EEPD1: variants seen among roughly 807,000 people sequenced by gnomAD.
The protein encoded by EEPD1 is endonuclease/exonuclease/phosphatase family domain-containing protein 1.
A neutral mutation model predicts 46.3 loss-of-function variants in EEPD1; 17 were observed. The ratio of observed to expected loss-of-function variants is 0.37; its 90% CI spans 0.25 to 0.55. The LOEUF is 0.55. Among genes scored for constraint, EEPD1 ranks in the 20% least tolerant of loss-of-function variants. EEPD1 has a pLI of 0.83. For missense variants in EEPD1, 673 were observed against 745.6 expected (o/e 0.90, Z 1.13); for synonymous variants, 313 against 315.6 (o/e 0.99, Z 0.09).
intron 7 of EEPD1, among the ~76,000 whole-genome samples, chr7:36,297,984 G>A (rs1186976954): frequency 3.3e-5 from 5 of 152,210 alleles, no homozygotes; most frequent in African/African-American, 4.8e-5. Flanking sequence ...CTTTTATTGC[G>A]AGAGAGACTA....
At chr7:36,205,228 G>C (rs868701002) in intron 2 of EEPD1, among the ~76,000 whole-genome samples, 17 of 152,206 alleles carry the variant, frequency 1.1e-4, no homozygotes, top group African/African-American at 4.1e-4. Context: ...AAGCCGGAAG[G>C]AGGTTCTGGA....
intron 3 of EEPD1, 30 bp from the exon 4 acceptor site, chr7:36,281,085 A>C (rs751664879): frequency 6.2e-6 from 10 of 1,606,170 alleles, no homozygotes; most frequent in Non-Finnish European, 8.5e-6. Context: ...GCGCGAACCC[A>C]CGCTTCTGAC....
intron 2 of EEPD1, among the ~76,000 whole-genome samples, chr7:36,232,174 GT>G (rs66528116): frequency 0.02 from 2,837 of 140,806 alleles, 71 homozygotes; most frequent in African/African-American, 0.06. Context: ...TATGTTGCTG[GT>G]TTTTTTTTTT....
At chr7:36,238,249 G>A (rs991914800) in intron 2 of EEPD1, among the ~76,000 whole-genome samples, 17 of 152,146 alleles carry the variant, frequency 1.1e-4, no homozygotes, top group African/African-American at 3.6e-4. Flanking sequence ...GTTTTGGTCA[G>A]CCTCTTTACC....
intron 2 of EEPD1, among the ~76,000 whole-genome samples, chr7:36,235,375 G>A (rs1786414969): frequency 6.6e-6 from 1 of 152,232 alleles, no homozygotes; most frequent in Non-Finnish European, 1.5e-5. Context: ...CTCAGTTCAG[G>A]CACCTGCACT....
At chr7:36,293,003 T>C (rs1787471778) in intron 6 of EEPD1, among the ~76,000 whole-genome samples, 1 of 151,876 alleles carries the variant, frequency 6.6e-6, no homozygotes, top group Admixed American at 6.6e-5. Context: ...AAAAAATTAT[T>C]CCCAGTAAGA....
At chr7:36,198,359 G>GAAAAAAAAAAAAAAAAAAAAAA (rs1381831424) in intron 2 of EEPD1, among the ~76,000 whole-genome samples, 7 of 39,648 alleles carry the variant, frequency 1.8e-4, no homozygotes, top group East Asian at 7.5e-4. Context: ...AAAAAAAAAA[G>GAAAAAAAAAAAAAAAAAAAAAA]AAAGATATTT....
At chr7:36,274,106 C>T (rs1013416391) in intron 3 of EEPD1, among the ~76,000 whole-genome samples, 15 of 152,220 alleles carry the variant, frequency 9.9e-5, no homozygotes, top group African/African-American at 3.4e-4. Flanking sequence ...CCTGCGTTTG[C>T]GCTGGAGCAA....
chr7:36,260,402 A>G (rs1786902729), intron 3 of EEPD1, among the ~76,000 whole-genome samples: 1 of 152,268 alleles, frequency 6.6e-6, no homozygotes, highest in African/African-American at 2.4e-5. Flanking sequence ...TTCTGATGAA[A>G]ATTCAGCAGT....
At chr7:36,264,216 C>T (rs936275785) in intron 3 of EEPD1, among the ~76,000 whole-genome samples, 6 of 152,288 alleles carry the variant, frequency 3.9e-5, no homozygotes, top group Admixed American at 6.5e-5. Flanking sequence ...TATATTGTTA[C>T]CAGAGTAATC....
At chr7:36,296,144 G>A (rs1787521581) in intron 6 of EEPD1, among the ~76,000 whole-genome samples, 2 of 151,798 alleles carry the variant, frequency 1.3e-5, no homozygotes, top group African/African-American at 4.8e-5. Flanking sequence ...TACATTATGT[G>A]CATCAACATG....
At chr7:36,265,173 G>T (rs888277373) in intron 3 of EEPD1, among the ~76,000 whole-genome samples, 1 of 152,270 alleles carries the variant, frequency 6.6e-6, no homozygotes, top group South Asian at 2.1e-4. Context: ...TTTCCCTGAG[G>T]GTCCATGAGT....
chr7:36,159,972 C>T (rs895883313), intron 2 of EEPD1, among the ~76,000 whole-genome samples: 1 of 152,186 alleles, frequency 6.6e-6, no homozygotes, highest in African/African-American at 2.4e-5. Context: ...AGTGTGAATG[C>T]AGGGAACTTC....
chr7:36,296,695 T>A (rs912259622), intron 6 of EEPD1, among the ~76,000 whole-genome samples: 1 of 35,064 alleles, frequency 2.9e-5, no homozygotes, highest in Admixed American at 3.1e-4. Context: ...CCCTTAGGTC[T>A]TTTTTTTTTT....
chr7:36,245,175 G>A (rs1368109675), intron 3 of EEPD1, among the ~76,000 whole-genome samples: 3 of 152,022 alleles, frequency 2.0e-5, no homozygotes, highest in East Asian at 1.9e-4. Context: ...CTTGATCTCC[G>A]GGCCTCAGGT....
Position 36,213,026 on chromosome 7 carries a change from G to A in EEPD1, c.879-25959G>A, listed in dbSNP as rs4723493. Among the ~76,000 whole-genome samples the A allele has an allele frequency of 2.6e-5, 4 of 152,024 alleles. No individual in the cohort carries two copies. In the East Asian group the frequency reaches 7.8e-4, roughly 29 times the overall value. ...AAATTAGCCAGGTATGGTGGCATAC[G>A]CCTGTAATCCCAGCTACTTGGGAGG... is the stretch of plus-strand genomic sequence containing the variant. On this transcript the variant is annotated intron_variant, in intron 2 of 7. Coordinates refer to ENST00000242108, the MANE Select transcript of EEPD1 (RefSeq NM_030636.3).
intron 3 of EEPD1, among the ~76,000 whole-genome samples, chr7:36,276,380 G>A (rs1124601): frequency 6.6e-6 from 1 of 152,052 alleles, no homozygotes; most frequent in Non-Finnish European, 1.5e-5. Context: ...GAAACAAATC[G>A]AGCTCATTGG....
At chr7:36,226,666 C>G (rs1428240244) in intron 2 of EEPD1, among the ~76,000 whole-genome samples, 2 of 152,046 alleles carry the variant, frequency 1.3e-5, no homozygotes, top group African/African-American at 4.8e-5. Flanking sequence ...TGCACTAGAA[C>G]TATAGAAAAT....
intron 6 of EEPD1, among the ~76,000 whole-genome samples, chr7:36,295,328 A>G (rs1181009009): frequency 6.6e-6 from 1 of 152,238 alleles, no homozygotes; most frequent in Non-Finnish European, 1.5e-5. Flanking sequence ...CTCAGTGACC[A>G]AAGCTGGAAA....
Sources: allele counts gnomAD v4.1 joint callset (sites outside exome capture counted in the v4.1 genomes callset), GRCh38; gene constraint gnomAD v4.1.1; transcripts MANE v1.5; gene names NCBI Gene and HGNC (gene_info 2026-07-23, HGNC 2026-07-21).